IGSF21: variants seen among roughly 807,000 people sequenced by gnomAD.
IGSF21 encodes the protein immunoglobin superfamily member 21.
A neutral mutation model predicts 46.8 loss-of-function variants in IGSF21; 28 were observed. The ratio of observed to expected loss-of-function variants is 0.60; its 90% CI spans 0.44 to 0.82. The LOEUF (loss-of-function observed/expected upper bound fraction) is 0.82. Ranked by LOEUF, IGSF21 falls within the 40% of genes least tolerant of loss-of-function variation. The probability of loss-of-function intolerance (pLI) is 0.00; values close to 1 mark genes in which losing one functional copy is unlikely to be tolerated. For missense variants in IGSF21, 624 were observed against 665.5 expected (o/e 0.94, Z 0.69); for synonymous variants, 284 against 273.6 (o/e 1.04, Z -0.38).
chr1:18,241,917 GC>G (rs1487646848), intron 2 of IGSF21, among the ~76,000 whole-genome samples: 9 of 152,186 alleles, frequency 5.9e-5, no homozygotes, highest in Non-Finnish European at 1.5e-5. Context: ...CCTTAGAGCA[GC>G]CCAGCCTTCT....
At chr1:18,197,636 G>A (rs1336736452) in intron 1 of IGSF21, among the ~76,000 whole-genome samples, 1 of 152,244 alleles carries the variant, frequency 6.6e-6, no homozygotes, top group South Asian at 2.1e-4. Flanking sequence ...GAATGCTCCA[G>A]AGAGGGCCTT....
At chr1:18,206,965 G>A (rs746214975) in intron 1 of IGSF21, among the ~76,000 whole-genome samples, 2 of 152,180 alleles carry the variant, frequency 1.3e-5, no homozygotes, top group Non-Finnish European at 2.9e-5. Context: ...GTCTGAGTAG[G>A]CTACACTCAG....
At chr1:18,252,519 A>G (rs2084852927) in intron 2 of IGSF21, among the ~76,000 whole-genome samples, 1 of 152,264 alleles carries the variant, frequency 6.6e-6, no homozygotes, top group African/African-American at 2.4e-5. Flanking sequence ...AGCAGGGGCC[A>G]GGGCCAGGGC....
At chr1:18,130,457 G>A (rs2086308940) in intron 1 of IGSF21, among the ~76,000 whole-genome samples, 1 of 152,154 alleles carries the variant, frequency 6.6e-6, no homozygotes, top group African/African-American at 2.4e-5. Context: ...ACCTCTGAGG[G>A]CTCTTCTAGC....
rs200429786 is a variant in IGSF21 at position 18,232,831 on chromosome 1, GC to G, written c.183+4824del. Among the ~76,000 whole-genome samples, 93 of 152,302 alleles carry G rather than the reference GC, an allele frequency of 6.1e-4. 3 individuals carry two copies. In the East Asian group the frequency reaches 0.017, roughly 28 times the overall value. On this transcript the variant is annotated intron_variant, in intron 2 of 9. Transcript: ENST00000251296. ...ACCTGTTGACAGACCATGCTATGTA[GC>G]CCACTTCTGTCTCATGTGGGCATCT...
At chr1:18,372,679 T>C (rs2086238587) in intron 6 of IGSF21, among the ~76,000 whole-genome samples, 1 of 151,534 alleles carries the variant, frequency 6.6e-6, no homozygotes, top group African/African-American at 2.4e-5. Flanking sequence ...GATGGAGGGA[T>C]GGATGGATGA....
At chr1:18,180,783 C>T (rs1176602852) in intron 1 of IGSF21, among the ~76,000 whole-genome samples, 2 of 152,222 alleles carry the variant, frequency 1.3e-5, no homozygotes, top group Non-Finnish European at 2.9e-5. Context: ...GCTTATACAA[C>T]CTTGATGAGT....
chr1:18,228,029 C>T lies in IGSF21; in HGVS notation c.183+19C>T. 2.6e-6 allele frequency: 4 copies of T among 1,567,090 alleles called. No homozygotes were observed. The highest frequency in any genetic ancestry group is 3.5e-6 in the Non-Finnish European group (4 of 1,137,162). On this transcript the variant is annotated intron_variant, in intron 2 of 9. Coordinates refer to ENST00000251296, the MANE Select transcript of IGSF21 (RefSeq NM_032880.5). ...GTACCGGGTAAGTCACTACTACTGC[C>T]CCCTTCATGCCCATGGCCAGGACTG...
intron 2 of IGSF21, among the ~76,000 whole-genome samples, chr1:18,285,915 C>T (rs1370262791): frequency 2.0e-5 from 3 of 152,178 alleles, no homozygotes; most frequent in East Asian, 1.9e-4. Context: ...CTATTATTAC[C>T]GCATGCCAAG....
chr1:18,214,250 G>A (rs1453074473), intron 1 of IGSF21, among the ~76,000 whole-genome samples: 2 of 152,180 alleles, frequency 1.3e-5, no homozygotes, highest in African/African-American at 4.8e-5. Flanking sequence ...AAAAGAGCCC[G>A]GGAGGTCGGG....
chr1:18,212,133 C>T (rs749188089), intron 1 of IGSF21, among the ~76,000 whole-genome samples: 5 of 152,244 alleles, frequency 3.3e-5, no homozygotes, highest in African/African-American at 4.8e-5. Flanking sequence ...AGGTCATCTG[C>T]GGCAGCACGG....
chr1:18,262,823 G>A (rs1296022957), intron 2 of IGSF21, among the ~76,000 whole-genome samples: 1 of 152,210 alleles, frequency 6.6e-6, no homozygotes, highest in Non-Finnish European at 1.5e-5. Flanking sequence ...GCCTCAAGGG[G>A]CTGCCTGCGA....
At chr1:18,116,882 G>A (rs1046506287) in intron 1 of IGSF21, among the ~76,000 whole-genome samples, 1 of 152,218 alleles carries the variant, frequency 6.6e-6, no homozygotes, top group African/African-American at 2.4e-5. Context: ...CAAAGGGCTG[G>A]GGAAGAGAGG....
At chr1:18,301,036 A>G (rs1369744221) in intron 3 of IGSF21, among the ~76,000 whole-genome samples, 2 of 152,162 alleles carry the variant, frequency 1.3e-5, no homozygotes, top group Non-Finnish European at 2.9e-5. Context: ...TTGTATTCCA[A>G]TGTGGAATTA....
At chr1:18,371,925 T>C (rs1424178162) in intron 6 of IGSF21, among the ~76,000 whole-genome samples, 3 of 152,268 alleles carry the variant, frequency 2.0e-5, no homozygotes, top group Non-Finnish European at 4.4e-5. Flanking sequence ...TTAGATGTAA[T>C]GGCAGTCAGG....
At chr1:18,330,317 T>C (rs2085699529) in intron 3 of IGSF21, among the ~76,000 whole-genome samples, 1 of 152,132 alleles carries the variant, frequency 6.6e-6, no homozygotes, top group Admixed American at 6.6e-5. Flanking sequence ...TCTGCCTTGG[T>C]TGGAAGTGGG....
chr1:18,324,310 T>TACCTTGACCCATTAAGAC (rs1553163705), intron 3 of IGSF21, among the ~76,000 whole-genome samples: 1 of 152,216 alleles, frequency 6.6e-6, no homozygotes, highest in Non-Finnish European at 1.5e-5. Context: ...CTCATTGAGA[T>TACCTTGACCCATTAAGAC]ACCTTGACTC....
intron 2 of IGSF21, among the ~76,000 whole-genome samples, chr1:18,277,885 C>T (rs981524248): frequency 5.9e-5 from 9 of 151,998 alleles, no homozygotes; most frequent in African/African-American, 1.7e-4. Flanking sequence ...TGGGAAGGAG[C>T]GGAGGGAATT....
intron 1 of IGSF21, among the ~76,000 whole-genome samples, chr1:18,179,638 T>C (rs971566827): frequency 6.6e-6 from 1 of 152,010 alleles, no homozygotes; most frequent in Non-Finnish European, 1.5e-5. Context: ...GGCAACTCTC[T>C]GGCTGGGGTC....
Sources: gnomAD v4.1 joint callset for allele counts (sites outside exome capture counted in the v4.1 genomes callset) on GRCh38, gnomAD v4.1.1 for gene constraint, MANE v1.5 for transcripts, NCBI Gene and HGNC (gene_info 2026-07-23, HGNC 2026-07-21) for gene names.